The following KMT2C variants were observed in gnomAD, a reference collection of about 807,000 sequenced individuals.
KMT2C encodes the protein histone-lysine N-methyltransferase 2C.
Under a neutral mutation model 507.9 loss-of-function variants are expected in KMT2C, and 88 were observed. The observed-to-expected ratio is 0.17, with a 90% confidence interval of 0.15 to 0.21. The LOEUF (loss-of-function observed/expected upper bound fraction) is 0.21, where lower values mean the gene tolerates loss of function less well. Among genes scored for constraint, KMT2C ranks in the 10% least tolerant of loss-of-function variants. The pLI, the probability that KMT2C is intolerant of heterozygous loss-of-function variation, is 1.00. For synonymous variants in KMT2C, 2,049 were observed against 2,080.8 expected, an observed-to-expected ratio of 0.98 and a Z score of 0.42; for missense variants, 4,954 against 5,957.8, an observed-to-expected ratio of 0.83 and a Z score of 5.55.
At chr7:152,430,241 T>C (rs781159156) in intron 1 of KMT2C, among the ~76,000 whole-genome samples, 137 of 150,658 alleles carry the variant, frequency 9.1e-4, no homozygotes, top group Non-Finnish European at 1.7e-3. Flanking sequence ...TTGCCACTTA[T>C]CCTGCCAACA....
chr7:152,367,093 C>A, intron 1 of KMT2C: 1 of 812,534 alleles, frequency 1.2e-6, no homozygotes, highest in African/African-American at 1.7e-5. Flanking sequence ...GCATTTTTAT[C>A]CAGAGAAGGA....
rs145240734 is a variant in KMT2C at position 152,250,886 on chromosome 7, C to T, written c.1702G>A (p.Gly568Ser). ...SEQAANKDVN[G>S]QESTPGIVPD... ...ACAATTCCAGGAGTGGACTCCTGAC[C>T]GTTGACATCTTTATTAGCTGCCTGC... is the stretch of plus-strand genomic sequence containing the variant. The change falls in exon 12 of 59, where the codon GGT (glycine) becomes AGT (serine). Residue 568 changes from glycine to serine, a missense_variant. Gly to Ser is a moderately conservative substitution (Grantham distance 56). Coordinates refer to ENST00000262189, the MANE Select transcript of KMT2C (RefSeq NM_170606.3). The T allele has an allele frequency of 1.3e-5, 21 of 1,607,150 alleles. No homozygotes were observed. In the East Asian group the frequency reaches 1.8e-4, roughly 14 times the overall value.
intron 3 of KMT2C, among the ~76,000 whole-genome samples, chr7:152,320,780 A>C (rs75797448): frequency 0.023 from 3,571 of 152,052 alleles, 107 homozygotes; most frequent in Non-Finnish European, 0.037. Flanking sequence ...TCTACAACTA[A>C]CGGTTCACAT....
Position 152,148,028 on chromosome 7 carries a change from G to GTA in KMT2C, c.13894+4_13894+5insTA. 6.4e-7 allele frequency: 1 copy of GTA among 1,565,426 alleles called. No homozygotes were observed. Among genetic ancestry groups the GTA allele is most frequent in the Non-Finnish European group, 8.7e-7 (1 of 1,151,472 alleles). ...ACTGCACAGCATGTGAACGGCAGAC[G>GTA]TTACCTTTAGGTGAGATGTCACTTA... On this transcript the variant is annotated splice_donor_region_variant and intron_variant, in intron 52 of 58. Transcript: ENST00000262189. This position sits in a 1 kb window ranked among gnomAD's most constrained non-coding sequence, Gnocchi z 7.1.
rs761832212 is a variant in KMT2C at position 152,222,576 on chromosome 7, T to C, written c.3430A>G (p.Asn1144Asp). The C allele has an allele frequency of 3.9e-6, 6 of 1,544,594 alleles. No individual in the cohort carries two copies. In the South Asian group the frequency reaches 4.5e-5, roughly 12 times the overall value. Residue 1144 changes from asparagine (N) to aspartate (D), a missense_variant, in exon 21 of 59, where the codon AAT (asparagine) becomes GAT (aspartate). Asn to Asp is a conservative substitution (Grantham distance 23). This residue lies in a region of KMT2C where 52 missense variants were observed against 162.4 expected (regional missense o/e 0.32). Coordinates refer to ENST00000262189, the MANE Select transcript of KMT2C (RefSeq NM_170606.3). ...ACAGTTTAAATTATTCTCTTACCATTAGACGCAGGCATATAGGGTCTGCAC... is the reference window on the plus strand; with the variant it reads ...ACAGTTTAAATTATTCTCTTACCATCAGACGCAGGCATATAGGGTCTGCAC... ...SMCRPYMPASNVPSSDCCESS... is the reference protein window; with the variant it reads ...SMCRPYMPASDVPSSDCCESS...
At chr7:152,250,735 A>G in intron 12 of KMT2C, 118 bp downstream of exon 12, 1 of 595,022 alleles carries the variant, frequency 1.7e-6, no homozygotes, top group Non-Finnish European at 3.0e-6. Context: ...ATTTTACTAA[A>G]AAACTCTTCC....
At chr7:152,305,941 G>A (rs1986374) in intron 6 of KMT2C, among the ~76,000 whole-genome samples, 4 of 152,058 alleles carry the variant, frequency 2.6e-5, no homozygotes, top group Admixed American at 2.0e-4. Context: ...AATGCTACTG[G>A]GGTGTCATTG....
chr7:152,272,205 A>G (rs770896630), intron 7 of KMT2C, among the ~76,000 whole-genome samples: 8 of 152,176 alleles, frequency 5.3e-5, no homozygotes, highest in Non-Finnish European at 7.4e-5. Context: ...CAACAACAGC[A>G]TATTATCTCA....
intron 3 of KMT2C, among the ~76,000 whole-genome samples, chr7:152,321,361 GATATAAA>G (rs201039352): frequency 0.011 from 1,652 of 151,694 alleles, 36 homozygotes; most frequent in Middle Eastern, 0.044. Flanking sequence ...ATATAAAATT[GATATAAA>G]ATATAAAATA....
intron 27 of KMT2C, among the ~76,000 whole-genome samples, chr7:152,197,760 TA>T (rs1025602295): frequency 6.6e-6 from 1 of 151,606 alleles, no homozygotes; most frequent in Non-Finnish European, 1.5e-5. Flanking sequence ...AATGACATGT[TA>T]AAAAAAAGCC....
chr7:152,392,563 G>C (rs1039921157), intron 1 of KMT2C, among the ~76,000 whole-genome samples: 6 of 152,120 alleles, frequency 3.9e-5, no homozygotes, highest in African/African-American at 1.4e-4. Context: ...CATTCCACAT[G>C]CATTATCTTA....
At position 152,201,366 on chromosome 7, in the gene KMT2C, A is replaced by T. The variant is rs984119362; in HGVS notation, c.4092+1568T>A. ...TACTGATGTGCAACAGGGGAACAAG[A>T]CGGCCCAGGAGACTAAGATCACAGC... On this transcript the variant is annotated intron_variant, in intron 26 of 58. Coordinates refer to ENST00000262189, the MANE Select transcript of KMT2C (RefSeq NM_170606.3). Among the ~76,000 whole-genome samples the T allele has an allele frequency of 2.0e-5, 3 of 151,876 alleles. No homozygotes were observed. In the South Asian group the frequency reaches 6.2e-4, roughly 32 times the overall value.
intron 51 of KMT2C, among the ~76,000 whole-genome samples, chr7:152,150,604 G>T (rs2091530237): frequency 6.6e-6 from 1 of 152,170 alleles, no homozygotes. Flanking sequence ...ACCAGAATGA[G>T]ACTCCATCTC....
intron 9 of KMT2C, among the ~76,000 whole-genome samples, chr7:152,255,157 A>ATATATACATATATATATATG (rs767823858): frequency 7.8e-6 from 1 of 128,374 alleles, no homozygotes; most frequent in Non-Finnish European, 1.6e-5. Flanking sequence ...ATATATATAT[A>ATATATACATATATATATATG]TGTGTGTGTG....
chr7:152,422,378 C>A (rs1266740473), intron 1 of KMT2C, among the ~76,000 whole-genome samples: 2 of 151,840 alleles, frequency 1.3e-5, no homozygotes, highest in East Asian at 3.9e-4. Flanking sequence ...TCGCTTGAAC[C>A]CAGGAGGCGG....
intron 49 of KMT2C, 51 bp downstream of exon 49, chr7:152,152,654 A>C: frequency 1.3e-6 from 2 of 1,599,548 alleles, no homozygotes; most frequent in Non-Finnish European, 1.7e-6. Context: ...AGTAAGCTTA[A>C]CTTTTGAATC....
chr7:152,148,855 T>G lies in KMT2C; in HGVS notation c.13072A>C (p.Lys4358Gln). ...LNKKWRGMKW[K>Q]KWSIHIVIPK... is the part of the protein sequence containing the mutation. ...ATTACAATATGAATGCTCCACTTCT[T>G]CCATTTCATTCCTCTCCATTTTTTA... Residue 4358 changes from lysine to glutamine, a missense_variant, in exon 52 of 59, where the codon AAG (lysine) becomes CAG (glutamine). By Grantham distance (53) the Lys-to-Gln change is moderately conservative. Coordinates refer to ENST00000262189, the MANE Select transcript of KMT2C (RefSeq NM_170606.3). The surrounding 1 kb of genome is among the most constrained non-coding windows in gnomAD (Gnocchi z 7.1). 6.2e-7 allele frequency: 1 copy of G among 1,614,232 alleles called. No homozygotes were observed. The highest frequency in any genetic ancestry group is 8.5e-7 in the Non-Finnish European group (1 of 1,180,038).
At chr7:152,433,757 A>G (rs544820017) in intron 1 of KMT2C, among the ~76,000 whole-genome samples, 1 of 152,390 alleles carries the variant, frequency 6.6e-6, no homozygotes, top group South Asian at 2.1e-4. Context: ...TTAAAATAAT[A>G]AAGTGGCAAT....
At chr7:152,384,548 ACAC>A (rs71198780) in intron 1 of KMT2C, among the ~76,000 whole-genome samples, 13,815 of 61,454 alleles carry the variant, frequency 0.22, 1,638 homozygotes, top group African/African-American at 0.3. Flanking sequence ...CATGTGCATA[ACAC>A]CACCACCACC....
Sources: allele counts gnomAD v4.1 joint callset (sites outside exome capture counted in the v4.1 genomes callset), GRCh38; gene constraint gnomAD v4.1.1; regional missense constraint gnomAD v4.1.1; non-coding constraint Gnocchi (gnomAD v3.1); transcripts MANE v1.5; gene names NCBI Gene and HGNC (gene_info 2026-07-23, HGNC 2026-07-21).